DDC: variants seen among roughly 807,000 people sequenced by gnomAD.
DDC encodes the protein aromatic-L-amino-acid decarboxylase.
Under a neutral mutation model 60.0 loss-of-function variants are expected in DDC, and 43 were observed. The observed-to-expected ratio is 0.72, with a 90% CI of 0.56 to 0.92. DDC has a LOEUF of 0.92. Among genes scored for constraint, DDC ranks in the 40% least tolerant of loss-of-function variants. DDC has a pLI of 0.00. For missense variants in DDC, 573 were observed against 620.2 expected, an observed-to-expected ratio of 0.92 and a Z score of 0.81; for synonymous variants, 232 against 234.6, an observed-to-expected ratio of 0.99 and a Z score of 0.10.
chr7:50,460,202 G>A (rs1408983045), intron 14 of DDC, among the ~76,000 whole-genome samples: 2 of 142,356 alleles, frequency 1.4e-5, no homozygotes, highest in East Asian at 4.4e-4. Context: ...TCAGCCCCTG[G>A]CCCGGCCAGC....
intron 7 of DDC, among the ~76,000 whole-genome samples, chr7:50,500,034 A>C (rs769369757): frequency 6.6e-6 from 1 of 152,174 alleles, no homozygotes; most frequent in African/African-American, 2.4e-5. Flanking sequence ...CCCAGCACTG[A>C]GTAGGGGAGA....
chr7:50,546,814 T>C (rs2044821837), intron 1 of DDC, among the ~76,000 whole-genome samples: 1 of 152,220 alleles, frequency 6.6e-6, no homozygotes, highest in South Asian at 2.1e-4. Context: ...AAGATTAGAC[T>C]CTAGATTATA....
At chr7:50,562,290 C>T (rs961495133) in intron 1 of DDC, among the ~76,000 whole-genome samples, 5 of 152,138 alleles carry the variant, frequency 3.3e-5, no homozygotes, top group Admixed American at 6.5e-5. Flanking sequence ...CTCCAGCAGC[C>T]GTGCAGGGAC....
At chr7:50,498,179 G>A (rs2043167045) in intron 8 of DDC, among the ~76,000 whole-genome samples, 2 of 152,210 alleles carry the variant, frequency 1.3e-5, no homozygotes, top group Admixed American at 1.3e-4. Flanking sequence ...CTATTTTCTG[G>A]AGGATAGGGA....
chr7:50,487,735 CAT>C (rs2042916266), intron 9 of DDC, among the ~76,000 whole-genome samples: 1 of 152,120 alleles, frequency 6.6e-6, no homozygotes, highest in African/African-American at 2.4e-5. Flanking sequence ...TTCAAGTTCA[CAT>C]GACTTAACTT....
intron 6 of DDC, among the ~76,000 whole-genome samples, chr7:50,506,456 A>G (rs2043398239): frequency 6.6e-6 from 1 of 152,184 alleles, no homozygotes; most frequent in South Asian, 2.1e-4. Flanking sequence ...ATACATATGT[A>G]CAAACCTGCA....
chr7:50,497,666 T>C (rs1422369995), intron 8 of DDC, among the ~76,000 whole-genome samples: 4 of 152,234 alleles, frequency 2.6e-5, no homozygotes, highest in Admixed American at 2.0e-4. Flanking sequence ...AGCTGGGTAC[T>C]GGCATCACAT....
intron 2 of DDC, chr7:50,543,474 T>C (rs2044700433): frequency 3.2e-6 from 1 of 315,992 alleles, no homozygotes. Flanking sequence ...ATATGCTAAT[T>C]ACCTATTGCT....
At chr7:50,510,843 C>T (rs7792578) in intron 6 of DDC, among the ~76,000 whole-genome samples, 66,867 of 150,484 alleles carry the variant, frequency 0.44, 15,453 homozygotes, top group Non-Finnish European at 0.52. Context: ...TAGCTGGGCG[C>T]GGTGGTGGGC....
At chr7:50,506,161 G>A (rs530159656) in intron 6 of DDC, among the ~76,000 whole-genome samples, 6 of 152,316 alleles carry the variant, frequency 3.9e-5, no homozygotes, top group African/African-American at 1.4e-4. Context: ...GTCACATTTG[G>A]AGCAGTGGCT....
chr7:50,517,880 C>CCT (rs2043779564), intron 6 of DDC, among the ~76,000 whole-genome samples: 1 of 144,908 alleles, frequency 6.9e-6, no homozygotes, highest in Admixed American at 6.9e-5. Context: ...GAGTTGAAGA[C>CCT]CTCTACCAGG....
Position 50,528,166 on chromosome 7 carries a change from C to G in DDC, c.685G>C (p.Asp229His), listed in dbSNP as rs951103511. 1 of 1,613,472 alleles carries G rather than the reference C, an allele frequency of 6.2e-7. No individual in the cohort carries two copies. The highest frequency in any genetic ancestry group is 1.3e-5 in the African/African-American group (1 of 74,932). Residue 229 changes from aspartate (D) to histidine (H), a missense_variant, in exon 6 of 15, where the codon GAC becomes CAC. Transcript: ENST00000444124. ...ASALQEALER[D>H]KAAGLIPFFM... is the part of the protein sequence containing the mutation. ...AAAGGAATCAGGCCAGCCGCTTTGTCTCTCTCCAGGGCTTCCTGCAGGGCA... is the reference window on the plus strand; with the variant it reads ...AAAGGAATCAGGCCAGCCGCTTTGTGTCTCTCCAGGGCTTCCTGCAGGGCA...
At chr7:50,525,767 AAAAT>A (rs904300487) in intron 6 of DDC, among the ~76,000 whole-genome samples, 5 of 151,922 alleles carry the variant, frequency 3.3e-5, no homozygotes, top group African/African-American at 7.3e-5. Flanking sequence ...CTGTCTCAAA[AAAAT>A]AAAATAAAAT....
chr7:50,468,888 G>A lies in DDC; in HGVS notation c.1140+1185C>T, dbSNP rs150908528. Among the ~76,000 whole-genome samples the A allele has an allele frequency of 2.6e-3, 398 of 151,806 alleles. 2 individuals carry two copies. Among genetic ancestry groups the A allele is most frequent in the African/African-American group, 9.1e-3 (377 of 41,344 alleles). ...CCTTCTGCAGCTGGCTAAACGGGTG[G>A]CTCTAGGCAGATCCAGGCTCATATT... On this transcript the variant is annotated intron_variant, in intron 12 of 14. Coordinates refer to ENST00000444124, the MANE Select transcript of DDC (RefSeq NM_001082971.2).
intron 2 of DDC, among the ~76,000 whole-genome samples, chr7:50,541,035 A>T (rs2044613332): frequency 6.6e-6 from 1 of 152,252 alleles, no homozygotes; most frequent in South Asian, 2.1e-4. Context: ...AACAGAATAA[A>T]GTCCTAAAGC....
chr7:50,462,843 C>T (rs534107974), intron 14 of DDC, among the ~76,000 whole-genome samples: 9 of 143,208 alleles, frequency 6.3e-5, no homozygotes, highest in African/African-American at 2.4e-4. Flanking sequence ...GATCTCGGCT[C>T]ACGGCAACCT....
chr7:50,490,843 A>T (rs2042984095), intron 9 of DDC, among the ~76,000 whole-genome samples: 2 of 152,254 alleles, frequency 1.3e-5, no homozygotes, highest in Non-Finnish European at 2.9e-5. Flanking sequence ...CCAAATAATC[A>T]AGCCAATCAT....
chr7:50,528,473 G>T (rs548015993), intron 5 of DDC, among the ~76,000 whole-genome samples, 193 bp from the exon 6 acceptor site: 2 of 152,264 alleles, frequency 1.3e-5, no homozygotes, highest in South Asian at 2.1e-4. Flanking sequence ...AGTTGTTTCT[G>T]TTCCTGTGGA....
intron 2 of DDC, chr7:50,543,447 G>T (rs2153550227): frequency 3.3e-6 from 1 of 298,528 alleles, no homozygotes; most frequent in South Asian, 3.4e-5. Context: ...ATAAACTAAA[G>T]AAAACGTTTC....
Sources: allele counts gnomAD v4.1 joint callset (sites outside exome capture counted in the v4.1 genomes callset), GRCh38; gene constraint gnomAD v4.1.1; transcripts MANE v1.5; gene names NCBI Gene and HGNC (gene_info 2026-07-23, HGNC 2026-07-21).